Variants in ADAMTSL1 observed in about 807,000 individuals in gnomAD.
ADAMTSL1 encodes the protein ADAMTS like 1, also known as ADAMTS-like protein 1.
In ADAMTSL1, 126 loss-of-function variants were observed where a neutral mutation model predicts 201.8. The observed-to-expected ratio is 0.62, with a 90% CI of 0.54 to 0.72. ADAMTSL1 has a LOEUF of 0.72. ADAMTSL1 is among the 30% of genes least tolerant of loss of function. The pLI, the probability that ADAMTSL1 is intolerant of heterozygous loss-of-function variation, is 0.00. For synonymous variants in ADAMTSL1, 1,121 were observed against 903.4 expected, an observed-to-expected ratio of 1.24 and a Z score of -4.32; for missense variants, 2,679 against 2,277.8, an observed-to-expected ratio of 1.18 and a Z score of -3.59.
At chr9:18,090,381 T>C (rs979320489) in intron 1 of ADAMTSL1, among the ~76,000 whole-genome samples, 5 of 152,228 alleles carry the variant, frequency 3.3e-5, no homozygotes, top group African/African-American at 1.2e-4. Context: ...ATAAACAAAA[T>C]AGGGTATATA....
At chr9:18,730,186 A>T (rs1412494337) in intron 15 of ADAMTSL1, among the ~76,000 whole-genome samples, 1 of 152,256 alleles carries the variant, frequency 6.6e-6, no homozygotes, top group African/African-American at 2.4e-5. Context: ...AATTTTGAGC[A>T]GAAGTCCTCA....
At chr9:18,517,633 TG>T (rs1335875116) in intron 2 of ADAMTSL1, among the ~76,000 whole-genome samples, 1 of 148,980 alleles carries the variant, frequency 6.7e-6, no homozygotes. Context: ...GTGATCTCAT[TG>T]TTCAATTCCC....
chr9:18,682,074 A>C, intron 12 of ADAMTSL1, 115 bp downstream of exon 12: 1 of 1,240,476 alleles, frequency 8.1e-7, no homozygotes, highest in African/African-American at 1.5e-5. Flanking sequence ...AGAATTCTTT[A>C]TAACTTAAAC....
intron 1 of ADAMTSL1, among the ~76,000 whole-genome samples, chr9:18,062,474 C>A (rs74652394): frequency 0.018 from 2,747 of 152,124 alleles, 83 homozygotes; most frequent in African/African-American, 0.063. Flanking sequence ...ATACAATAAT[C>A]AATTATCCTT....
intron 1 of ADAMTSL1, among the ~76,000 whole-genome samples, chr9:18,012,758 G>A (rs1820104984): frequency 6.6e-6 from 1 of 151,954 alleles, no homozygotes; most frequent in South Asian, 2.1e-4. Context: ...ATCTTTCAGG[G>A]TTGATGAGGT....
intron 1 of ADAMTSL1, among the ~76,000 whole-genome samples, chr9:18,002,367 C>G (rs993545175): frequency 6.6e-6 from 1 of 152,008 alleles, no homozygotes; most frequent in African/African-American, 2.4e-5. Flanking sequence ...ACCTTATACT[C>G]TGAGCCTCAG....
intron 4 of ADAMTSL1, among the ~76,000 whole-genome samples, chr9:18,605,673 A>G (rs1824965039): frequency 1.3e-5 from 2 of 152,216 alleles, no homozygotes; most frequent in African/African-American, 4.8e-5. Context: ...TCACCCCGGT[A>G]CTATAATCTT....
intron 5 of ADAMTSL1, among the ~76,000 whole-genome samples, chr9:18,630,436 G>A (rs1226021769): frequency 2.0e-5 from 3 of 152,320 alleles, no homozygotes; most frequent in Non-Finnish European, 4.4e-5. Context: ...TGGGTGTCCA[G>A]AGTTGTCCTT....
intron 1 of ADAMTSL1, among the ~76,000 whole-genome samples, chr9:17,923,078 T>G (rs201190667): frequency 2.6e-5 from 4 of 152,110 alleles, no homozygotes; most frequent in African/African-American, 9.7e-5. Flanking sequence ...GTTGTGTGAT[T>G]CCTCCAGCTT....
chr9:18,841,909 C>G (rs1825742325), intron 23 of ADAMTSL1, among the ~76,000 whole-genome samples: 1 of 151,910 alleles, frequency 6.6e-6, no homozygotes, highest in Non-Finnish European at 1.5e-5. Flanking sequence ...TTTATTGCGT[C>G]TATTTGATTC....
At chr9:18,726,026 A>G (rs930024261) in intron 15 of ADAMTSL1, among the ~76,000 whole-genome samples, 1 of 152,154 alleles carries the variant, frequency 6.6e-6, no homozygotes, top group Non-Finnish European at 1.5e-5. Flanking sequence ...GAGGCCATAC[A>G]CCTTTTGAAT....
chr9:18,027,473 C>T (rs1399935349), intron 1 of ADAMTSL1, among the ~76,000 whole-genome samples: 5 of 151,612 alleles, frequency 3.3e-5, no homozygotes, highest in Non-Finnish European at 7.4e-5. Context: ...ATTGTTTACC[C>T]AAAAGTAATT....
At chr9:18,226,573 T>C (rs1386036566) in intron 2 of ADAMTSL1, among the ~76,000 whole-genome samples, 1 of 152,168 alleles carries the variant, frequency 6.6e-6, no homozygotes, top group Admixed American at 6.5e-5. Context: ...TTCAGTTTCA[T>C]TCTTCCTTCT....
At chr9:18,175,886 G>A (rs1828124598) in intron 2 of ADAMTSL1, among the ~76,000 whole-genome samples, 2 of 151,904 alleles carry the variant, frequency 1.3e-5, no homozygotes, top group African/African-American at 4.8e-5. Context: ...CTAGTACCAG[G>A]CTCTTAATCT....
intron 2 of ADAMTSL1, among the ~76,000 whole-genome samples, chr9:18,231,394 G>A (rs368766676): frequency 5.3e-5 from 8 of 152,152 alleles, no homozygotes; most frequent in East Asian, 1.9e-4. Flanking sequence ...CAGGTTCTAC[G>A]ACCTAGAGTC....
chr9:18,544,712 A>G (rs115097572), intron 3 of ADAMTSL1, among the ~76,000 whole-genome samples: 1,630 of 152,278 alleles, frequency 0.011, 27 homozygotes, highest in African/African-American at 0.037. Flanking sequence ...CCAAGCATCT[A>G]CTTTCCTTGA....
intron 5 of ADAMTSL1, among the ~76,000 whole-genome samples, chr9:18,625,272 G>GTT (rs58666836): frequency 1.4e-5 from 2 of 145,876 alleles, no homozygotes; most frequent in Non-Finnish European, 1.5e-5. Flanking sequence ...TTATATCCAA[G>GTT]TTTTTTTTTT....
At chr9:18,520,486 A>AT (rs1181836971) in intron 2 of ADAMTSL1, among the ~76,000 whole-genome samples, 11 of 152,242 alleles carry the variant, frequency 7.2e-5, no homozygotes. Flanking sequence ...TATGCCAAAG[A>AT]AACACTTTTA....
chr9:18,246,144 T>C (rs1231478641), intron 2 of ADAMTSL1, among the ~76,000 whole-genome samples: 1 of 152,196 alleles, frequency 6.6e-6, no homozygotes, highest in Non-Finnish European at 1.5e-5. Flanking sequence ...AACCGTGTCA[T>C]CCTCGAGCCA....
Sources: gnomAD v4.1 joint callset for allele counts (sites outside exome capture counted in the v4.1 genomes callset) on GRCh38, gnomAD v4.1.1 for gene constraint, MANE v1.5 for transcripts, NCBI Gene and HGNC (gene_info 2026-07-23, HGNC 2026-07-21) for gene names.